Variants in WWC1 observed in about 807,000 individuals in gnomAD.
The protein encoded by WWC1 is protein KIBRA.
Under a neutral mutation model 138.4 loss-of-function variants are expected in WWC1, and 55 were observed. That is an observed-to-expected ratio of 0.40 (90% CI 0.32 to 0.50). WWC1 has a LOEUF of 0.50. Among genes scored for constraint, WWC1 ranks in the 20% least tolerant of loss-of-function variants. The pLI is 0.72. For missense variants in WWC1, 1,226 were observed against 1,420.4 expected (o/e 0.86, Z 2.20); for synonymous variants, 524 against 564.9 (o/e 0.93, Z 1.03).
intron 1 of WWC1, among the ~76,000 whole-genome samples, chr5:168,363,691 C>T (rs1776067118): frequency 6.6e-6 from 1 of 152,162 alleles, no homozygotes; most frequent in African/African-American, 2.4e-5. Flanking sequence ...CTCATCCTAA[C>T]AGCCAATGTA....
intron 19 of WWC1, among the ~76,000 whole-genome samples, chr5:168,458,418 C>T (rs953605548): frequency 2.0e-5 from 3 of 152,166 alleles, no homozygotes; most frequent in Non-Finnish European, 4.4e-5. Context: ...TTCCACTGGC[C>T]TCTGCACAAA....
chr5:168,451,236 G>A (rs1755788582), intron 17 of WWC1, among the ~76,000 whole-genome samples: 1 of 152,108 alleles, frequency 6.6e-6, no homozygotes, highest in Non-Finnish European at 1.5e-5. Flanking sequence ...TGGTCAGGCT[G>A]GTCTCGAACT....
At chr5:168,441,352 G>A (rs1754739483) in intron 15 of WWC1, among the ~76,000 whole-genome samples, 1 of 152,152 alleles carries the variant, frequency 6.6e-6, no homozygotes, top group Non-Finnish European at 1.5e-5. Flanking sequence ...TTGCAACAAT[G>A]TGCGTAATGT....
At chr5:168,404,163 GGCAGAGGACAGCTGGGCACAGCCCCCTC>G (rs1449154994) in intron 5 of WWC1, among the ~76,000 whole-genome samples, 4 of 152,130 alleles carry the variant, frequency 2.6e-5, no homozygotes, top group Non-Finnish European at 5.9e-5. Context: ...TTGCCCTGTT[GGCAGAGGACAGCTGGGCACAGCCCCCTC>G]CCCAGAGTCC....
At chr5:168,428,913 TGGCC>T in intron 13 of WWC1, 126 bp downstream of exon 13, 1 of 900,756 alleles carries the variant, frequency 1.1e-6, no homozygotes, top group Non-Finnish European at 1.7e-6. Context: ...CAGGACCTGC[TGGCC>T]ATTGCAGCTT....
intron 5 of WWC1, among the ~76,000 whole-genome samples, chr5:168,403,579 G>A (rs1779551748): frequency 6.6e-6 from 1 of 152,190 alleles, no homozygotes; most frequent in Non-Finnish European, 1.5e-5. Flanking sequence ...TTGCCTCTTG[G>A]AGGAGATTGC....
chr5:168,440,315 G>A (rs567061577), intron 15 of WWC1, among the ~76,000 whole-genome samples: 12 of 152,280 alleles, frequency 7.9e-5, no homozygotes, highest in African/African-American at 2.9e-4. Flanking sequence ...AACTAGTGTT[G>A]GTGAAGATGT....
intron 22 of WWC1, among the ~76,000 whole-genome samples, chr5:168,468,407 A>G (rs1757475490): frequency 2.6e-5 from 4 of 151,562 alleles, no homozygotes; most frequent in Admixed American, 2.6e-4. Context: ...CCCGAATGCC[A>G]TTTGGCCTGG....
At chr5:168,303,455 A>G (rs1428667334) in intron 1 of WWC1, among the ~76,000 whole-genome samples, 1 of 152,062 alleles carries the variant, frequency 6.6e-6, no homozygotes, top group Non-Finnish European at 1.5e-5. Flanking sequence ...CAAACATTCA[A>G]AAAATGAGCT....
intron 9 of WWC1, chr5:168,415,409 C>T (rs1780531618): frequency 6.6e-6 from 1 of 152,148 alleles, no homozygotes; most frequent in Non-Finnish European, 1.5e-5. Flanking sequence ...TAAAAGCCAC[C>T]GGTTTACATT....
intron 15 of WWC1, among the ~76,000 whole-genome samples, chr5:168,436,516 G>C (rs570584061): frequency 6.6e-6 from 1 of 152,044 alleles, no homozygotes; most frequent in Non-Finnish European, 1.5e-5. Flanking sequence ...ATGGGCCTCC[G>C]CACTCGCCTC....
intron 1 of WWC1, among the ~76,000 whole-genome samples, chr5:168,360,290 AAT>A (rs1252969855): frequency 6.6e-6 from 1 of 152,194 alleles, no homozygotes; most frequent in African/African-American, 2.4e-5. Context: ...CTTTTGGTGA[AAT>A]AGGGTCTATG....
chr5:168,415,815 CGTGTGTGTGTGTGTGTGTGTGT>C (rs56223676), intron 9 of WWC1: 2 of 6,564 alleles, frequency 3.0e-4, no homozygotes, highest in African/African-American at 1.6e-3. Context: ...GGGGGGGGGG[CGTGTGTGTGTGTGTGTGTGTGT>C]GTGTGTGTGT....
intron 1 of WWC1, among the ~76,000 whole-genome samples, chr5:168,343,652 T>C (rs1165630203): frequency 1.3e-5 from 2 of 151,804 alleles, no homozygotes; most frequent in African/African-American, 4.8e-5. Flanking sequence ...TGAAACCCCG[T>C]CTCTACTAAA....
chr5:168,427,686 G>A (rs1198524872), intron 11 of WWC1, among the ~76,000 whole-genome samples: 1 of 150,890 alleles, frequency 6.6e-6, no homozygotes, highest in African/African-American at 2.4e-5. Flanking sequence ...GATTACAGTC[G>A]CTGACGCCTG....
At chr5:168,429,938 C>CA (rs903193658) in intron 13 of WWC1, among the ~76,000 whole-genome samples, 199 bp from the exon 14 acceptor site, 72 of 149,910 alleles carry the variant, frequency 4.8e-4, no homozygotes, top group Non-Finnish European at 8.9e-4. Flanking sequence ...TGTTTCAAAA[C>CA]AAAAAAAAAA....
intron 17 of WWC1, among the ~76,000 whole-genome samples, chr5:168,448,960 G>T (rs1755544488): frequency 6.6e-6 from 1 of 152,102 alleles, no homozygotes; most frequent in Non-Finnish European, 1.5e-5. Context: ...CAATGATTAA[G>T]AGTACCCTAA....
At chr5:168,345,195 C>G (rs1421928470) in intron 1 of WWC1, among the ~76,000 whole-genome samples, 1 of 152,220 alleles carries the variant, frequency 6.6e-6, no homozygotes, top group African/African-American at 2.4e-5. Context: ...GTCTCCACCT[C>G]CTGGGTTCAA....
chr5:168,411,896 T>C, intron 8 of WWC1: 1 of 861,022 alleles, frequency 1.2e-6, no homozygotes, highest in Non-Finnish European at 1.4e-6. Context: ...GACTTGAAAG[T>C]ACGAAAGGAG....
Sources: allele counts gnomAD v4.1 joint callset (sites outside exome capture counted in the v4.1 genomes callset), GRCh38; gene constraint gnomAD v4.1.1; transcripts MANE v1.5; gene names NCBI Gene and HGNC (gene_info 2026-07-23, HGNC 2026-07-21).